CDON: variants seen among roughly 807,000 people sequenced by gnomAD.
CDON encodes the protein cell adhesion molecule-related/down-regulated by oncogenes.
A neutral mutation model predicts 120.9 loss-of-function variants in CDON; 73 were observed. That is an observed-to-expected ratio of 0.60 (90% CI 0.50 to 0.73). CDON has a LOEUF of 0.73. Among genes scored for constraint, CDON ranks in the 30% least tolerant of loss-of-function variants. The pLI, the probability that CDON is intolerant of heterozygous loss-of-function variation, is 0.00. For missense variants in CDON, 1,470 were observed against 1,587.3 expected (o/e 0.93, Z 1.26); for synonymous variants, 566 against 573.5 (o/e 0.99, Z 0.19).
At chr11:126,024,907 A>G (rs376877051) in intron 1 of CDON, among the ~76,000 whole-genome samples, 117 of 152,322 alleles carry the variant, frequency 7.7e-4, no homozygotes, top group African/African-American at 2.5e-3. Context: ...CAGGGAGAAT[A>G]TAAGAAATAT....
chr11:126,061,901 C>T (rs1437829879), intron 1 of CDON, among the ~76,000 whole-genome samples: 5 of 152,066 alleles, frequency 3.3e-5, no homozygotes, highest in African/African-American at 1.2e-4. Context: ...TTAGGGAGAA[C>T]AATGAAGGGA....
chr11:125,977,214 T>C (rs545874593), intron 18 of CDON, among the ~76,000 whole-genome samples: 13 of 152,314 alleles, frequency 8.5e-5, no homozygotes, highest in South Asian at 4.1e-4. Flanking sequence ...AAGCAAACCT[T>C]AGTACATAAA....
chr11:126,060,951 T>C (rs1280559482), intron 1 of CDON, among the ~76,000 whole-genome samples: 1 of 152,248 alleles, frequency 6.6e-6, no homozygotes, highest in Non-Finnish European at 1.5e-5. Context: ...GAGTCAGAGC[T>C]GTTTAAGTAC....
chr11:125,980,964 G>T, intron 17 of CDON, 85 bp downstream of exon 17: 1 of 1,415,570 alleles, frequency 7.1e-7, no homozygotes, highest in Non-Finnish European at 1.0e-6. Context: ...TTTCTATACT[G>T]AACAAAGCCA....
Position 126,044,590 on chromosome 11 carries a change from C to T in CDON, c.-62+17989G>A, listed in dbSNP as rs971362148. On this transcript the variant is annotated intron_variant, in intron 1 of 19. Transcript: ENST00000531738. ...AATGAAATCTTGTCATTTGCAAAAA[C>T]ATGGATGGCATCAGAGGACATTATG... Among the ~76,000 whole-genome samples, 8 of 152,234 alleles carry T rather than the reference C, an allele frequency of 5.3e-5. 1 individual carries two copies. The South Asian group carries it at 1.5e-3, about 28-fold the overall frequency.
At chr11:126,011,029 C>T (rs1947288652) in intron 7 of CDON, 3 of 388,246 alleles carry the variant, frequency 7.7e-6, no homozygotes, top group African/African-American at 2.1e-5. Context: ...AAACCTCAGA[C>T]CTTAACAGGA....
intron 18 of CDON, among the ~76,000 whole-genome samples, chr11:125,970,427 T>C (rs1324924400): frequency 6.6e-6 from 1 of 152,002 alleles, no homozygotes; most frequent in African/African-American, 2.4e-5. Context: ...CCTGCTTCAG[T>C]CTCCCAAAGT....
intron 1 of CDON, among the ~76,000 whole-genome samples, chr11:126,054,193 G>A (rs146614905): frequency 1.4e-3 from 211 of 152,160 alleles, no homozygotes; most frequent in African/African-American, 4.7e-3. Context: ...ACTGTAAAAA[G>A]CCAGTAACTG....
intron 2 of CDON, 62 bp from the exon 3 acceptor site, chr11:126,021,582 G>C: frequency 6.9e-4 from 807 of 1,162,152 alleles, no homozygotes; most frequent in Non-Finnish European, 9.4e-4. Flanking sequence ...AGAGAAAGAA[G>C]ATTACATTAA....
intron 15 of CDON, among the ~76,000 whole-genome samples, chr11:125,986,406 T>C (rs989802887): frequency 6.6e-6 from 1 of 152,082 alleles, no homozygotes; most frequent in Non-Finnish European, 1.5e-5. Flanking sequence ...GTTGTGCACA[T>C]GTACCCTAGA....
At position 125,992,265 on chromosome 11, in the gene CDON, G is replaced by A. The variant is rs151290987; in HGVS notation, c.2650+2019C>T. On this transcript the variant is annotated intron_variant, in intron 14 of 19. Transcript: ENST00000531738. ...ATTAGGTTGGTGCAAAAGTAACTGC[G>A]GTCTTTGTCATTAAAAGTAATGGCA... Among the ~76,000 whole-genome samples, 14 of 151,992 alleles carry A rather than the reference G, an allele frequency of 9.2e-5. No homozygotes were observed. In the East Asian group the frequency reaches 1.7e-3, roughly 19 times the overall value.
At chr11:125,988,772 G>T (rs887484240) in intron 15 of CDON, among the ~76,000 whole-genome samples, 1 of 152,180 alleles carries the variant, frequency 6.6e-6, no homozygotes, top group African/African-American at 2.4e-5. Context: ...AGGCAGAGTT[G>T]AGAATGTTCA....
chr11:126,063,149 C>T (rs1290491266), upstream of CDON: 2 of 152,248 alleles, frequency 1.3e-5, no homozygotes, highest in Admixed American at 1.3e-4. Context: ...CCTGCCTACT[C>T]TGCAAGAGAG....
At chr11:125,993,766 C>T (rs1001749643) in intron 14 of CDON, among the ~76,000 whole-genome samples, 13 of 152,112 alleles carry the variant, frequency 8.5e-5, no homozygotes, top group Admixed American at 3.3e-4. Flanking sequence ...GGCCTTCAGG[C>T]CATAGGCAAA....
At chr11:126,042,413 T>G (rs1224884309) in intron 1 of CDON, among the ~76,000 whole-genome samples, 1 of 152,182 alleles carries the variant, frequency 6.6e-6, no homozygotes, top group Non-Finnish European at 1.5e-5. Flanking sequence ...ATGAAAAATC[T>G]TGCCAAATAA....
rs1291388324 is a variant in CDON at position 125,958,902 on chromosome 11, G to C, written c.*2040C>G. On this transcript the variant is annotated 3_prime_UTR_variant, in exon 20 of 20. Transcript: ENST00000531738. ...CTTTGTGACAGCATTGCTGTAACTT[G>C]ATTGGCTAACACAGGGTATGTTTTC... 2 of 152,230 alleles carry C rather than the reference G, an allele frequency of 1.3e-5. No individual in the cohort carries two copies. The highest frequency in any genetic ancestry group is 4.8e-5 in the African/African-American group (2 of 41,428). 9.4% of individuals were successfully genotyped at this position (152,230 alleles called of 1,614,324 possible). A position where few individuals can be genotyped will look rare whatever the true frequency, so the allele number is the denominator to read the frequency against.
rs201985321 is a variant in CDON, at chr11:125,994,984, G to A, written c.2431C>T (p.Arg811Cys). 15 of 1,614,052 alleles carry A rather than the reference G, an allele frequency of 9.3e-6. No homozygotes were observed. Among genetic ancestry groups the A allele is most frequent in the African/African-American group, 5.3e-5 (4 of 75,050 alleles). The change falls in exon 13 of 20, where the codon CGT becomes TGT. Residue 811 changes from arginine (R) to cysteine (C), a missense_variant. By Grantham distance (180) the Arg-to-Cys change is radical. Coordinates refer to ENST00000531738, the MANE Select transcript of CDON (RefSeq NM_001378964.1). ...YGESFRSSAS[R>C]PYQVVGFPNR... is the part of the protein sequence containing the mutation. ...GGGAACCCAACCACTTGATAAGGAC[G>A]AGATGCTGAACTCCGAAAACTCTCA...
chr11:126,005,668 T>C lies in CDON; in HGVS notation c.1851+91A>G, dbSNP rs890720594. 2.5e-6 allele frequency: 3 copies of C among 1,210,390 alleles called. No individual in the cohort carries two copies. In the South Asian group the frequency reaches 3.7e-5, roughly 15 times the overall value. 75.0% of individuals were successfully genotyped at this position (1,210,390 alleles called of 1,614,324 possible). A position where few individuals can be genotyped will look rare whatever the true frequency, so the allele number is the denominator to read the frequency against. On this transcript the variant is annotated intron_variant, in intron 9 of 19. Coordinates refer to ENST00000531738, the MANE Select transcript of CDON (RefSeq NM_001378964.1). ...TCTGGAAGACTCTTGTTCTGTTTCC[T>C]GCCATTCTACAAATGAAAAGGCAAC...
At chr11:126,005,687 A>C in intron 9 of CDON, 72 bp downstream of exon 9, 1 of 1,383,448 alleles carries the variant, frequency 7.2e-7, no homozygotes, top group Non-Finnish European at 1.0e-6. Context: ...ACAAATGAAA[A>C]GGCAACAGTA....
Sources: allele counts gnomAD v4.1 joint callset (sites outside exome capture counted in the v4.1 genomes callset), GRCh38; gene constraint gnomAD v4.1.1; transcripts MANE v1.5; gene names NCBI Gene and HGNC (gene_info 2026-07-23, HGNC 2026-07-21).